RABGAP1L: variants seen among roughly 807,000 people sequenced by gnomAD.
RABGAP1L encodes RAB GTPase activating protein 1 like.
Under a neutral mutation model 137.7 loss-of-function variants are expected in RABGAP1L, and 63 were observed. The observed-to-expected ratio is 0.46, with a 90% CI of 0.37 to 0.56. RABGAP1L has a LOEUF of 0.56. RABGAP1L is among the 20% of genes least tolerant of loss of function. The pLI is 0.00. For synonymous variants in RABGAP1L, 431 were observed against 433.7 expected, an observed-to-expected ratio of 0.99 and a Z score of 0.08; for missense variants, 1,095 against 1,244.0, an observed-to-expected ratio of 0.88 and a Z score of 1.80.
At chr1:174,596,201 C>T (rs1669895039) in intron 13 of RABGAP1L, among the ~76,000 whole-genome samples, 1 of 104,576 alleles carries the variant, frequency 9.6e-6, no homozygotes, top group African/African-American at 7.0e-5. Context: ...CAATGCCTCG[C>T]CCTGCTTCGG....
chr1:174,521,819 A>C (rs1360614378), intron 13 of RABGAP1L, among the ~76,000 whole-genome samples: 1 of 152,158 alleles, frequency 6.6e-6, no homozygotes, highest in South Asian at 2.1e-4. Flanking sequence ...GGTGGCTCAC[A>C]CATGTAATCC....
At chr1:174,916,116 A>G (rs1281369314) in intron 19 of RABGAP1L, among the ~76,000 whole-genome samples, 1 of 119,676 alleles carries the variant, frequency 8.4e-6, no homozygotes, top group African/African-American at 3.1e-5. Context: ...GTAAGGGTCT[A>G]TGTACATTTT....
intron 10 of RABGAP1L, among the ~76,000 whole-genome samples, chr1:174,285,777 A>T (rs1676005218): frequency 6.6e-6 from 1 of 152,008 alleles, no homozygotes; most frequent in Non-Finnish European, 1.5e-5. Context: ...TTCTATACCC[A>T]ATTTATTGGG....
At chr1:174,863,412 G>A (rs1234827429) in intron 19 of RABGAP1L, among the ~76,000 whole-genome samples, 1 of 151,218 alleles carries the variant, frequency 6.6e-6, no homozygotes, top group Non-Finnish European at 1.5e-5. Flanking sequence ...AGTGGCTCAT[G>A]CCTGTAATCC....
At chr1:174,837,626 A>G (rs967994063) in intron 19 of RABGAP1L, among the ~76,000 whole-genome samples, 2 of 152,234 alleles carry the variant, frequency 1.3e-5, no homozygotes, top group African/African-American at 2.4e-5. Flanking sequence ...ATGCTATGCC[A>G]AATATGGCAT....
At chr1:174,758,022 CA>C (rs34002785) in intron 18 of RABGAP1L, among the ~76,000 whole-genome samples, 9,732 of 130,068 alleles carry the variant, frequency 0.075, 1,098 homozygotes, top group African/African-American at 0.26. Context: ...GACTCCATCT[CA>C]AAAAAAAAAA....
At chr1:174,598,542 C>CT (rs1670158180) in intron 13 of RABGAP1L, among the ~76,000 whole-genome samples, 1 of 152,162 alleles carries the variant, frequency 6.6e-6, no homozygotes, top group South Asian at 2.1e-4. Flanking sequence ...GGGTCTATCT[C>CT]TTTCTTAGCT....
At chr1:174,209,444 C>T (rs544147066) in intron 1 of RABGAP1L, among the ~76,000 whole-genome samples, 16 of 152,242 alleles carry the variant, frequency 1.1e-4, no homozygotes, top group South Asian at 1.0e-3. Flanking sequence ...AAGGGAACAT[C>T]GGCAGTAGCT....
chr1:174,259,995 C>T (rs887456696), intron 7 of RABGAP1L, among the ~76,000 whole-genome samples: 3 of 151,974 alleles, frequency 2.0e-5, no homozygotes, highest in Non-Finnish European at 4.4e-5. Context: ...CCACTACACC[C>T]GGCTAATTTT....
At chr1:174,987,481 A>G (rs1671694098) in intron 24 of RABGAP1L, among the ~76,000 whole-genome samples, 1 of 152,160 alleles carries the variant, frequency 6.6e-6, no homozygotes, top group South Asian at 2.1e-4. Context: ...GAAGAAATTA[A>G]TGGTCAGCTG....
chr1:174,894,406 C>G (rs1282775492), intron 19 of RABGAP1L, among the ~76,000 whole-genome samples: 1 of 152,164 alleles, frequency 6.6e-6, no homozygotes, highest in Non-Finnish European at 1.5e-5. Flanking sequence ...TTGACTTGAA[C>G]TCTTCAAAGA....
chr1:174,364,478 TCTC>T (rs1415213845), intron 11 of RABGAP1L, among the ~76,000 whole-genome samples: 14 of 151,422 alleles, frequency 9.2e-5, no homozygotes, highest in Admixed American at 7.2e-4. Flanking sequence ...ATGGTCTCGA[TCTC>T]CTGACCTCGT....
chr1:174,730,842 A>G (rs1402083568), intron 17 of RABGAP1L, among the ~76,000 whole-genome samples: 1 of 152,224 alleles, frequency 6.6e-6, no homozygotes, highest in African/African-American at 2.4e-5. Flanking sequence ...TAGATTGACT[A>G]AAAAGTAAAA....
intron 11 of RABGAP1L, among the ~76,000 whole-genome samples, chr1:174,322,392 G>A (rs923442565): frequency 6.6e-6 from 1 of 152,184 alleles, no homozygotes; most frequent in Non-Finnish European, 1.5e-5. Context: ...ATCAGATACT[G>A]TCTGGGCATG....
intron 13 of RABGAP1L, among the ~76,000 whole-genome samples, chr1:174,482,477 T>C (rs1659205600): frequency 6.6e-6 from 1 of 152,200 alleles, no homozygotes; most frequent in South Asian, 2.1e-4. Context: ...ATAAGATATA[T>C]TGATTTATTC....
intron 10 of RABGAP1L, among the ~76,000 whole-genome samples, chr1:174,295,397 T>C (rs1430261032): frequency 6.6e-6 from 1 of 151,844 alleles, no homozygotes; most frequent in Non-Finnish European, 1.5e-5. Context: ...TTCTTTCTTT[T>C]TTTTGAAATG....
rs114314282 is a variant in RABGAP1L, at chr1:174,253,567, A to G, written c.986+977A>G. 9.1e-3 allele frequency among the ~76,000 whole-genome samples: 1,388 copies of G among 152,324 alleles called. 20 individuals carry two copies. Among genetic ancestry groups the G allele is most frequent in the African/African-American group, 0.032 (1,331 of 41,566 alleles). On this transcript the variant is annotated intron_variant, in intron 7 of 25. Transcript: ENST00000681986. ...AGTACTTCTTTGTCTTTGTTGCTACATATTTGTTAAATTGAAAGTTGCTTT... is the reference window on the plus strand; with the variant it reads ...AGTACTTCTTTGTCTTTGTTGCTACGTATTTGTTAAATTGAAAGTTGCTTT...
Position 174,550,917 on chromosome 1 carries a change from C to CACACAT in RABGAP1L, c.1711-86456_1711-86451dup, listed in dbSNP as rs1553330148. Reference sequence around the variant, plus strand: ...ATATACACACACACATATACACACACACACATATATATATACACATATATA... The same window carrying CACACAT: ...ATATACACACACACATATACACACACACACATACACATATATATATACACATATATA... On this transcript the variant is annotated intron_variant, in intron 13 of 25. Transcript: ENST00000681986. Among the ~76,000 whole-genome samples the CACACAT allele has an allele frequency of 1.1e-4, 11 of 96,422 alleles. No homozygotes were observed. In the South Asian group the frequency reaches 1.9e-3, roughly 16 times the overall value. 63.3% of individuals were successfully genotyped at this position (96,422 alleles called of 152,430 possible).
intron 18 of RABGAP1L, among the ~76,000 whole-genome samples, chr1:174,758,127 A>G (rs1435811376): frequency 6.6e-6 from 1 of 151,684 alleles, no homozygotes; most frequent in African/African-American, 2.4e-5. Context: ...CTTTTTTAGT[A>G]TCTTACTTGA....
Sources: gnomAD v4.1 joint callset for allele counts (sites outside exome capture counted in the v4.1 genomes callset) on GRCh38, gnomAD v4.1.1 for gene constraint, MANE v1.5 for transcripts, NCBI Gene and HGNC (gene_info 2026-07-23, HGNC 2026-07-21) for gene names.